The following DNAH9 variants were observed in gnomAD, a reference collection of about 807,000 sequenced individuals.
The protein encoded by DNAH9 is dynein axonemal heavy chain 9.
In DNAH9, 345 loss-of-function variants were observed where a neutral mutation model predicts 471.6. That is an observed-to-expected ratio of 0.73 (90% confidence interval 0.67 to 0.80). The LOEUF (loss-of-function observed/expected upper bound fraction) is 0.80, where lower values mean the gene tolerates loss of function less well. Ranked by LOEUF, DNAH9 falls within the 30% of genes least tolerant of loss-of-function variation. DNAH9 has a pLI of 0.00. For synonymous variants in DNAH9, 2,093 were observed against 2,123.6 expected, an observed-to-expected ratio of 0.99 and a Z score of 0.40; for missense variants, 5,407 against 5,609.2, an observed-to-expected ratio of 0.96 and a Z score of 1.15.
At chr17:11,603,227 A>G (rs896800062) in intron 1 of DNAH9, among the ~76,000 whole-genome samples, 1 of 152,176 alleles carries the variant, frequency 6.6e-6, no homozygotes, top group Non-Finnish European at 1.5e-5. Context: ...CCCAGCAGAC[A>G]TTCTATTTTT....
intron 67 of DNAH9, chr17:11,953,903 T>C (rs887095533): frequency 2.0e-5 from 3 of 151,946 alleles, no homozygotes; most frequent in Non-Finnish European, 4.4e-5. Context: ...ATGTAGAACA[T>C]GTAAGATATT....
At chr17:11,645,871 T>C (rs1255527828) in intron 11 of DNAH9, among the ~76,000 whole-genome samples, 1 of 128,272 alleles carries the variant, frequency 7.8e-6, no homozygotes, top group Non-Finnish European at 1.8e-5. Flanking sequence ...ATTTCTCTTT[T>C]TCTTTTTCTT....
intron 48 of DNAH9, among the ~76,000 whole-genome samples, chr17:11,824,872 C>A (rs1970433504): frequency 6.6e-6 from 1 of 151,374 alleles, no homozygotes; most frequent in Non-Finnish European, 1.5e-5. Context: ...CTGTCTTCTC[C>A]TTCTCCTTCT....
chr17:11,602,988 A>G (rs940341183), intron 1 of DNAH9, among the ~76,000 whole-genome samples: 1 of 152,150 alleles, frequency 6.6e-6, no homozygotes, highest in Non-Finnish European at 1.5e-5. Context: ...CTCTTACCCA[A>G]TTTGAGTGCC....
chr17:11,762,338 A>G (rs4792172), intron 35 of DNAH9, among the ~76,000 whole-genome samples: 141,916 of 152,166 alleles, frequency 0.93, 66,622 homozygotes, highest in Non-Finnish European at 0.99. Context: ...GGGAGGTGGC[A>G]ATGTGGGCTG....
intron 67 of DNAH9, among the ~76,000 whole-genome samples, chr17:11,952,966 T>C (rs540370987): frequency 6.6e-6 from 1 of 152,282 alleles, no homozygotes; most frequent in South Asian, 2.1e-4. Flanking sequence ...CTCCTCTCTG[T>C]GTCCTCAAAT....
chr17:11,704,496 C>T, intron 25 of DNAH9, 54 bp downstream of exon 25: 3 of 1,576,224 alleles, frequency 1.9e-6, no homozygotes, highest in Admixed American at 1.7e-5. Context: ...ACACTGAGAA[C>T]AGCACATACA....
chr17:11,649,320 T>C (rs2073454704), intron 12 of DNAH9, among the ~76,000 whole-genome samples: 1 of 152,232 alleles, frequency 6.6e-6, no homozygotes, highest in Non-Finnish European at 1.5e-5. Flanking sequence ...CATCAGTCTA[T>C]ATTTCATTGA....
At chr17:11,602,316 C>T in intron 1 of DNAH9, among the ~76,000 whole-genome samples, 1 of 152,158 alleles carries the variant, frequency 6.6e-6, no homozygotes, top group Middle Eastern at 3.2e-3. Context: ...GCAGGTGTTC[C>T]ATAAAGGATG....
chr17:11,758,437 G>A (rs1330762034), intron 35 of DNAH9, among the ~76,000 whole-genome samples: 2 of 152,190 alleles, frequency 1.3e-5, no homozygotes, highest in African/African-American at 2.4e-5. Flanking sequence ...CTGTAGTGGA[G>A]GCAAGAATGG....
intron 62 of DNAH9, chr17:11,925,032 T>C: frequency 2.7e-6 from 1 of 368,518 alleles, no homozygotes; most frequent in Non-Finnish European, 5.3e-6. Context: ...GTATACATGC[T>C]GGAGTTGTGG....
chr17:11,742,027 GA>G, intron 29 of DNAH9, 147 bp from the exon 30 acceptor site: 1 of 667,336 alleles, frequency 1.5e-6, no homozygotes, highest in East Asian at 2.6e-5. Context: ...GAAAGTCTTA[GA>G]TGAAATAATG....
intron 43 of DNAH9, among the ~76,000 whole-genome samples, chr17:11,801,473 T>C (rs1567811784): frequency 6.6e-6 from 1 of 152,160 alleles, no homozygotes; most frequent in Non-Finnish European, 1.5e-5. Context: ...GTGGATCACC[T>C]GAGGTCAGGA....
At chr17:11,778,532 A>C (rs1375010256) in intron 38 of DNAH9, among the ~76,000 whole-genome samples, 1 of 151,920 alleles carries the variant, frequency 6.6e-6, no homozygotes, top group Non-Finnish European at 1.5e-5. Flanking sequence ...GCGTGATCCA[A>C]TTTACATTTT....
At chr17:11,766,226 T>C (rs997167741) in intron 36 of DNAH9, among the ~76,000 whole-genome samples, 3 of 151,776 alleles carry the variant, frequency 2.0e-5, no homozygotes, top group Non-Finnish European at 4.4e-5. Context: ...ACAGCAATGG[T>C]GCTTACATTG....
chr17:11,687,858 G>C (rs1394513192), intron 19 of DNAH9, among the ~76,000 whole-genome samples: 1 of 151,834 alleles, frequency 6.6e-6, no homozygotes. Context: ...ATCTGCAGCC[G>C]AGCGGGATGG....
chr17:11,621,537 A>T (rs79735891), intron 6 of DNAH9, among the ~76,000 whole-genome samples: 4,101 of 152,260 alleles, frequency 0.027, 50 homozygotes, highest in Non-Finnish European at 0.033. Flanking sequence ...TGAACAGAGC[A>T]AACCATGGGA....
intron 55 of DNAH9, among the ~76,000 whole-genome samples, chr17:11,881,687 T>C (rs1972727322): frequency 6.6e-6 from 1 of 152,008 alleles, no homozygotes; most frequent in East Asian, 1.9e-4. Context: ...GGTGGGCGGA[T>C]CATGAGGTCG....
chr17:11,610,979 T>C (rs1006685859), intron 3 of DNAH9, among the ~76,000 whole-genome samples: 5 of 152,198 alleles, frequency 3.3e-5, no homozygotes, highest in Admixed American at 3.3e-4. Context: ...TTTCCTGTGT[T>C]CCGGCTCATC....
Sources: gnomAD v4.1 joint callset for allele counts (sites outside exome capture counted in the v4.1 genomes callset) on GRCh38, gnomAD v4.1.1 for gene constraint, MANE v1.5 for transcripts, NCBI Gene and HGNC (gene_info 2026-07-23, HGNC 2026-07-21) for gene names.